The following HPSE2 variants were observed in gnomAD, a reference collection of about 807,000 sequenced individuals.
HPSE2 encodes inactive heparanase-2.
HPSE2 carries 38 observed loss-of-function variants against 60.5 expected under a neutral mutation model. That is an observed-to-expected ratio of 0.63 (90% CI 0.48 to 0.82). HPSE2 has a LOEUF of 0.82. HPSE2 is among the 40% of genes least tolerant of loss of function. The pLI, the probability that HPSE2 is intolerant of heterozygous loss-of-function variation, is 0.00. For synonymous variants in HPSE2, 295 were observed against 293.2 expected, an observed-to-expected ratio of 1.01 and a Z score of -0.06; for missense variants, 713 against 740.4, an observed-to-expected ratio of 0.96 and a Z score of 0.43.
chr10:99,300,387 T>A, the HPSE2 span, among the ~76,000 whole-genome samples: 2 of 152,190 alleles, frequency 1.3e-5, no homozygotes, highest in Non-Finnish European at 2.9e-5. Context: ...GCAAAAATAC[T>A]GAGTTCTTAT....
chr10:98,718,189 C>T (rs913884784), intron 5 of HPSE2, among the ~76,000 whole-genome samples: 10 of 152,120 alleles, frequency 6.6e-5, no homozygotes, highest in African/African-American at 2.4e-4. Context: ...TAGTAATTCT[C>T]ATGCCTTTAG....
chr10:98,644,901 C>T (rs1054440677), intron 6 of HPSE2, among the ~76,000 whole-genome samples: 12 of 152,124 alleles, frequency 7.9e-5, no homozygotes, highest in Middle Eastern at 3.2e-3. Context: ...GGGCTATTTC[C>T]GTGGGCTGTG....
intron 9 of HPSE2, among the ~76,000 whole-genome samples, chr10:98,566,225 G>A (rs1944339590): frequency 6.6e-6 from 1 of 152,220 alleles, no homozygotes; most frequent in Non-Finnish European, 1.5e-5. Context: ...GCTCAGGAAG[G>A]AAACGTAAGC....
intron 3 of HPSE2, among the ~76,000 whole-genome samples, chr10:99,036,206 C>T (rs892500915): frequency 6.6e-6 from 1 of 151,934 alleles, no homozygotes; most frequent in Non-Finnish European, 1.5e-5. Flanking sequence ...CAGGGCAAGA[C>T]CCTGACTCAG....
At chr10:99,196,428 G>A (rs1243137012) in intron 2 of HPSE2, among the ~76,000 whole-genome samples, 1 of 152,014 alleles carries the variant, frequency 6.6e-6, no homozygotes. Context: ...ACAACCCACA[G>A]AATGGTAGAA....
intron 3 of HPSE2, among the ~76,000 whole-genome samples, chr10:98,808,852 G>A (rs1015353662): frequency 2.0e-5 from 3 of 152,106 alleles, no homozygotes; most frequent in African/African-American, 7.2e-5. Context: ...TAGTGTCCTA[G>A]CTACATAGCT....
chr10:99,043,022 C>T (rs1209406533), intron 3 of HPSE2, among the ~76,000 whole-genome samples: 1 of 152,160 alleles, frequency 6.6e-6, no homozygotes, highest in Non-Finnish European at 1.5e-5. Context: ...CCTTGACCCA[C>T]TAAAAACATC....
chr10:99,098,804 A>C (rs1843819579), intron 3 of HPSE2, among the ~76,000 whole-genome samples: 1 of 152,218 alleles, frequency 6.6e-6, no homozygotes, highest in Admixed American at 6.5e-5. Context: ...TACGATGTTA[A>C]TAATATTTTA....
chr10:99,256,904 C>T, the HPSE2 span, among the ~76,000 whole-genome samples: 1 of 152,060 alleles, frequency 6.6e-6, no homozygotes, highest in Non-Finnish European at 1.5e-5. Flanking sequence ...AGTCAGGGAC[C>T]CCAAATCAAG....
chr10:98,739,570 G>T lies in HPSE2; in HGVS notation c.784+4313C>A, dbSNP rs75376068. On this transcript the variant is annotated intron_variant, in intron 4 of 11. Coordinates refer to ENST00000370552, the MANE Select transcript of HPSE2 (RefSeq NM_021828.5). ...GGGAATGCATTAATCAAGCTGTGCT[G>T]CCAGAATCATAAGAATCATCATCTC... Among the ~76,000 whole-genome samples, 252 of 152,208 alleles carry T rather than the reference G, an allele frequency of 1.7e-3. 8 individuals carry two copies. The East Asian group carries it at 0.036, about 22-fold the overall frequency.
chr10:99,110,400 T>C (rs1412350891), intron 3 of HPSE2, among the ~76,000 whole-genome samples: 3 of 152,162 alleles, frequency 2.0e-5, no homozygotes, highest in Admixed American at 2.0e-4. Flanking sequence ...CTACTTGCCC[T>C]ATGAGAAGAG....
intron 3 of HPSE2, among the ~76,000 whole-genome samples, chr10:98,857,183 G>T (rs1952338424): frequency 6.6e-6 from 1 of 152,020 alleles, no homozygotes; most frequent in South Asian, 2.1e-4. Flanking sequence ...CTTACTCTTG[G>T]ATCTTCTGTC....
intron 9 of HPSE2, among the ~76,000 whole-genome samples, chr10:98,549,493 T>C (rs1280534515): frequency 1.3e-5 from 2 of 152,220 alleles, no homozygotes; most frequent in African/African-American, 4.8e-5. Flanking sequence ...ATTCTCTTGC[T>C]ACTTCAAAAT....
intron 2 of HPSE2, among the ~76,000 whole-genome samples, chr10:99,161,788 C>T (rs1283690985): frequency 6.6e-6 from 1 of 152,030 alleles, no homozygotes; most frequent in East Asian, 1.9e-4. Context: ...ACTTAAGTGT[C>T]TATCAATAGA....
chr10:99,114,791 G>A (rs931520984), intron 3 of HPSE2, among the ~76,000 whole-genome samples: 3 of 151,464 alleles, frequency 2.0e-5, no homozygotes, highest in Admixed American at 1.3e-4. Context: ...GTAGGCACCT[G>A]TGGTACCAGC....
chr10:99,237,504 G>A (rs1849889570), upstream of HPSE2, among the ~76,000 whole-genome samples: 1 of 152,102 alleles, frequency 6.6e-6, no homozygotes. Flanking sequence ...AAGCACCCAG[G>A]AAATCGAGAT....
intron 3 of HPSE2, among the ~76,000 whole-genome samples, chr10:99,112,230 C>A (rs1442148936): frequency 6.6e-6 from 1 of 152,000 alleles, no homozygotes; most frequent in Non-Finnish European, 1.5e-5. Flanking sequence ...CATAGGAGAA[C>A]AAAATGACTA....
At chr10:99,307,830 G>GCACACACACACA in the HPSE2 span, among the ~76,000 whole-genome samples, 2,022 of 140,998 alleles carry the variant, frequency 0.014, 34 homozygotes, top group African/African-American at 0.037. Flanking sequence ...CCTAGTAAAT[G>GCACACACACACA]CGCACACACA....
intron 2 of HPSE2, among the ~76,000 whole-genome samples, chr10:99,213,170 T>C (rs1041952368): frequency 6.6e-6 from 1 of 151,842 alleles, no homozygotes; most frequent in Admixed American, 6.6e-5. Context: ...AAACTGAGTC[T>C]CAAAATAAGA....
Sources: allele counts gnomAD v4.1 joint callset (sites outside exome capture counted in the v4.1 genomes callset), GRCh38; gene constraint gnomAD v4.1.1; transcripts MANE v1.5; gene names NCBI Gene and HGNC (gene_info 2026-07-23, HGNC 2026-07-21).